Variants in UTP6 observed in about 807,000 individuals in gnomAD.
UTP6 encodes UTP6 small subunit processome component.
Under a neutral mutation model 96.5 loss-of-function variants are expected in UTP6, and 60 were observed. That is an observed-to-expected ratio of 0.62 (90% CI 0.51 to 0.77). The LOEUF is 0.77. Ranked by LOEUF, UTP6 falls within the 30% of genes least tolerant of loss-of-function variation. UTP6 has a pLI of 0.00. For synonymous variants in UTP6, 215 were observed against 240.1 expected (o/e 0.90, Z 0.96); for missense variants, 637 against 706.5 (o/e 0.90, Z 1.12).
chr17:31,881,267 C>CTTT (rs202102116), intron 10 of UTP6, among the ~76,000 whole-genome samples: 1 of 132,894 alleles, frequency 7.5e-6, no homozygotes, highest in African/African-American at 2.8e-5. Context: ...CACTTTTTCA[C>CTTT]TTTTTTTTTT....
intron 13 of UTP6, among the ~76,000 whole-genome samples, chr17:31,875,650 C>A (rs1050857580): frequency 6.6e-6 from 1 of 151,842 alleles, no homozygotes; most frequent in African/African-American, 2.4e-5. Context: ...TGGTGAAACC[C>A]CGTCTCTACT....
intron 17 of UTP6, among the ~76,000 whole-genome samples, chr17:31,866,111 C>T (rs756215954): frequency 4.0e-5 from 6 of 151,790 alleles, no homozygotes; most frequent in Non-Finnish European, 8.8e-5. Flanking sequence ...AACAGTGAAA[C>T]CCCGTCTCTA....
intron 2 of UTP6, among the ~76,000 whole-genome samples, chr17:31,896,643 A>ATTT (rs147716521): frequency 1.4e-5 from 2 of 146,800 alleles, no homozygotes. Context: ...CACAGAAAAA[A>ATTT]ATTTTTTTTT....
chr17:31,873,843 A>T, intron 14 of UTP6, 90 bp from the exon 15 acceptor site: 1 of 1,390,054 alleles, frequency 7.2e-7, no homozygotes. Flanking sequence ...TTATGTATCA[A>T]TTTTTTTATG....
chr17:31,890,858 A>T (rs990651009), intron 6 of UTP6, among the ~76,000 whole-genome samples: 1 of 151,396 alleles, frequency 6.6e-6, no homozygotes, highest in East Asian at 2.0e-4. Flanking sequence ...GTGGTGGTGC[A>T]CATCTGTAAT....
intron 16 of UTP6, among the ~76,000 whole-genome samples, chr17:31,872,483 T>C (rs1910230632): frequency 6.6e-6 from 1 of 150,698 alleles, no homozygotes; most frequent in South Asian, 2.1e-4. Context: ...GGCTGAACAA[T>C]GTTGTGAGAC....
intron 1 of UTP6, 82 bp from the exon 2 acceptor site, chr17:31,899,812 G>T: frequency 9.5e-7 from 1 of 1,047,456 alleles, no homozygotes; most frequent in Non-Finnish European, 1.3e-6. Flanking sequence ...TTTAAAACAT[G>T]TTTTTCAAAA....
Position 31,887,248 on chromosome 17 carries a change from G to A in UTP6, c.609C>T (p.Ala203=). The change falls in exon 8 of 19, where the codon GCC becomes GCT. Residue 203 remains alanine, a synonymous_variant. Coordinates refer to ENST00000261708, the MANE Select transcript of UTP6 (RefSeq NM_018428.3). ...LRKEKEEFEK[A]SMDVENPDYS... ...ATTAGAACCTTACCACATCCATACT[G>A]GCTTTTTCAAATTCTTCCTTCTCCT... 6.2e-7 allele frequency: 1 copy of A among 1,613,968 alleles called. No individual in the cohort carries two copies. Among genetic ancestry groups the A allele is most frequent in the Non-Finnish European group, 8.5e-7 (1 of 1,179,898 alleles).
At chr17:31,890,376 G>A (rs1022520483) in intron 6 of UTP6, among the ~76,000 whole-genome samples, 1 of 151,858 alleles carries the variant, frequency 6.6e-6, no homozygotes, top group African/African-American at 2.4e-5. Flanking sequence ...AGCACTTTGG[G>A]AGGCCGAGGC....
At chr17:31,864,794 T>C (rs530670749) in intron 18 of UTP6, among the ~76,000 whole-genome samples, 145 of 151,984 alleles carry the variant, frequency 9.5e-4, no homozygotes, top group Non-Finnish European at 3.2e-4. Flanking sequence ...AGTTACTTTT[T>C]TTTTTTTATT....
rs765914201 is a variant in UTP6 at position 31,889,269 on chromosome 17, G to A, written c.543+16C>T. On this transcript the variant is annotated intron_variant, in intron 7 of 18. Coordinates refer to ENST00000261708, the MANE Select transcript of UTP6 (RefSeq NM_018428.3). ...CTGAAACATCACTGTCTCATCCTAT[G>A]TGCATACACACTCACTTCTTTATAA... The A allele has an allele frequency of 1.3e-6, 2 of 1,583,256 alleles. No homozygotes were observed. Among genetic ancestry groups the A allele is most frequent in the East Asian group, 2.2e-5 (1 of 44,526 alleles).
chr17:31,882,776 G>A (rs760112423), intron 10 of UTP6, among the ~76,000 whole-genome samples: 10 of 152,032 alleles, frequency 6.6e-5, no homozygotes, highest in Middle Eastern at 3.2e-3. Flanking sequence ...CACAAGGTAG[G>A]CTAAAAATAT....
intron 2 of UTP6, among the ~76,000 whole-genome samples, chr17:31,898,905 G>C (rs551049585): frequency 6.6e-6 from 1 of 151,766 alleles, no homozygotes; most frequent in East Asian, 1.9e-4. Context: ...GGTGCCATAC[G>C]CCTGTAATCC....
chr17:31,899,896 A>G (rs1904871605), intron 1 of UTP6, among the ~76,000 whole-genome samples, 166 bp from the exon 2 acceptor site: 1 of 152,196 alleles, frequency 6.6e-6, no homozygotes, highest in African/African-American at 2.4e-5. Flanking sequence ...CTGGAATCCC[A>G]GCACTTTGGG....
chr17:31,866,291 A>C, intron 17 of UTP6, among the ~76,000 whole-genome samples: 1 of 151,128 alleles, frequency 6.6e-6, no homozygotes, highest in East Asian at 2.0e-4. Context: ...TGTCTCAAAA[A>C]AAAAAAAAAA....
chr17:31,885,631 T>C lies in UTP6; in HGVS notation c.703+349A>G, dbSNP rs185359006. On this transcript the variant is annotated intron_variant, in intron 9 of 18. Coordinates refer to ENST00000261708, the MANE Select transcript of UTP6 (RefSeq NM_018428.3). Reference sequence around the variant, plus strand: ...AGTGAAACTACGTCTCTACTAAAAATACAAAAATTAGCTGGGCAGGGTGGC... The same window carrying C: ...AGTGAAACTACGTCTCTACTAAAAACACAAAAATTAGCTGGGCAGGGTGGC... Among the ~76,000 whole-genome samples the C allele has an allele frequency of 1.2e-3, 189 of 151,618 alleles. 4 individuals carry two copies. In the East Asian group the frequency reaches 0.033, roughly 27 times the overall value.
intron 13 of UTP6, among the ~76,000 whole-genome samples, chr17:31,876,698 C>T (rs886892082): frequency 3.6e-4 from 55 of 151,652 alleles, no homozygotes; most frequent in African/African-American, 1.3e-3. Context: ...AGAACACATG[C>T]TCACCAAACA....
chr17:31,883,702 G>T (rs571831767), intron 10 of UTP6, among the ~76,000 whole-genome samples: 23 of 151,430 alleles, frequency 1.5e-4, no homozygotes, highest in African/African-American at 5.3e-4. Flanking sequence ...TCTGAGACAC[G>T]GTCTCACTCT....
At chr17:31,873,357 A>G in intron 16 of UTP6, 21 bp downstream of exon 16, 1 of 1,612,254 alleles carries the variant, frequency 6.2e-7, no homozygotes, top group Non-Finnish European at 8.5e-7. Flanking sequence ...ACTAGTAACA[A>G]CTATGAACGT....
Sources: allele counts gnomAD v4.1 joint callset (sites outside exome capture counted in the v4.1 genomes callset), GRCh38; gene constraint gnomAD v4.1.1; transcripts MANE v1.5; gene names NCBI Gene and HGNC (gene_info 2026-07-23, HGNC 2026-07-21).